Variants in GIPC3 observed in about 807,000 individuals in gnomAD.
GIPC3 encodes the protein GIPC PDZ domain containing family member 3, also known as PDZ domain-containing protein GIPC3.
Under a neutral mutation model 27.3 loss-of-function variants are expected in GIPC3, and 16 were observed. That is an observed-to-expected ratio of 0.59 (90% CI 0.40 to 0.89). The LOEUF (loss-of-function observed/expected upper bound fraction) is 0.89. Ranked by LOEUF, GIPC3 falls within the 40% of genes least tolerant of loss-of-function variation. The pLI, the probability that GIPC3 is intolerant of heterozygous loss-of-function variation, is 0.00. For missense variants in GIPC3, 440 were observed against 442.1 expected (o/e 1.00, Z 0.04); for synonymous variants, 194 against 184.6 (o/e 1.05, Z -0.41).
Position 3,585,490 on chromosome 19 carries a change from C to CAGCCTCCCCTCCCCCGGCCCA in GIPC3, c.-108_-107insAGCCTCCCCTCCCCCGGCCCA, listed in dbSNP as rs1173419693. 39 of 988,794 alleles carry CAGCCTCCCCTCCCCCGGCCCA rather than the reference C, an allele frequency of 3.9e-5. No individual in the cohort carries two copies. The Admixed American group carries it at 2.1e-3, about 54-fold the overall frequency. 61.3% of individuals were successfully genotyped at this position (988,794 alleles called of 1,614,324 possible). A position where few individuals can be genotyped will look rare whatever the true frequency, so the allele number is the denominator to read the frequency against. ...GCTCGGGTTCCCAGATCCCCTTACC[C>CAGCCTCCCCTCCCCCGGCCCA]GGGCGTCTCGGCTGTCGCGCCCTGG... is the stretch of plus-strand genomic sequence containing the variant. On this transcript the variant is annotated 5_prime_UTR_variant, in exon 1 of 6. Coordinates refer to ENST00000644452, the MANE Select transcript of GIPC3 (RefSeq NM_133261.3).
chr19:3,585,999 C>T (rs4491651), intron 1 of GIPC3, among the ~76,000 whole-genome samples, 177 bp downstream of exon 1: 13 of 152,164 alleles, frequency 8.5e-5, no homozygotes, highest in Admixed American at 8.5e-4. Context: ...CTCCCAGGGG[C>T]CCCCTTTGCA....
At chr19:3,587,700 T>TTCTTTTC (rs895265099) in intron 3 of GIPC3, among the ~76,000 whole-genome samples, 2 of 147,188 alleles carry the variant, frequency 1.4e-5, no homozygotes, top group African/African-American at 5.0e-5. Context: ...CTTTTCTTTT[T>TTCTTTTC]TTTTTTTTGA....
Position 3,590,260 on chromosome 19 carries a change from C to A in GIPC3, c.*70C>A. On this transcript the variant is annotated 3_prime_UTR_variant, in exon 6 of 6. Coordinates refer to ENST00000644452, the MANE Select transcript of GIPC3 (RefSeq NM_133261.3). ...CCCCTGCCCCGGCCCTGCTCCAGAACCCAGCCCAGATCGGAGGACAAGTTC... is the reference window on the plus strand; with the variant it reads ...CCCCTGCCCCGGCCCTGCTCCAGAAACCAGCCCAGATCGGAGGACAAGTTC... 6.5e-7 allele frequency: 1 copy of A among 1,529,570 alleles called. No homozygotes were observed. The highest frequency in any genetic ancestry group is 8.8e-7 in the Non-Finnish European group (1 of 1,136,002). The allele number at this position is 1,529,570 out of a possible 1,614,324, so 94.7% of individuals were successfully genotyped here.
At position 3,593,324 on chromosome 19, in the gene GIPC3, C is replaced by T. The variant is rs537990079; in HGVS notation, c.*3134C>T. On this transcript the variant is annotated 3_prime_UTR_variant, in exon 6 of 6. Coordinates refer to ENST00000644452, the MANE Select transcript of GIPC3 (RefSeq NM_133261.3). ...ACTTAGCCCTGGTTCATGTGGTTCTCGTCCTCTCCTGTCCCTTCCAGCCTG... is the reference window on the plus strand; with the variant it reads ...ACTTAGCCCTGGTTCATGTGGTTCTTGTCCTCTCCTGTCCCTTCCAGCCTG... 1.3e-5 allele frequency: 16 copies of T among 1,232,262 alleles called. No homozygotes were observed. Among genetic ancestry groups the T allele is most frequent in the South Asian group, 8.2e-5 (2 of 24,304 alleles). 76.3% of individuals were successfully genotyped at this position (1,232,262 alleles called of 1,614,324 possible). A position where few individuals can be genotyped will look rare whatever the true frequency, so the allele number is the denominator to read the frequency against.
intron 5 of GIPC3, 38 bp downstream of exon 5, chr19:3,589,950 G>C (rs778730345): frequency 1.9e-6 from 3 of 1,613,350 alleles, no homozygotes; most frequent in South Asian, 2.2e-5. Context: ...CCTGGGGGGA[G>C]GGAAGCCTAC....
At chr19:3,585,903 C>A in intron 1 of GIPC3, 81 bp downstream of exon 1, 1 of 1,477,874 alleles carries the variant, frequency 6.8e-7, no homozygotes, top group Admixed American at 2.2e-5. Context: ...GGACGGGAGA[C>A]CCCAGATCCC....
intron 3 of GIPC3, among the ~76,000 whole-genome samples, chr19:3,588,217 G>A (rs1193686588): frequency 6.6e-6 from 1 of 151,602 alleles, no homozygotes; most frequent in Non-Finnish European, 1.5e-5. Context: ...TTGGCAGGCT[G>A]GTCTCGAACT....
Position 3,589,820 on chromosome 19 carries a change from T to A in GIPC3, c.706-11T>A, listed in dbSNP as rs1234915755. The A allele has an allele frequency of 6.2e-7, 1 of 1,613,092 alleles. No homozygotes were observed. Among genetic ancestry groups the A allele is most frequent in the Non-Finnish European group, 8.5e-7 (1 of 1,179,708 alleles). On this transcript the variant is annotated splice_polypyrimidine_tract_variant and intron_variant, in intron 4 of 5. Coordinates refer to ENST00000644452, the MANE Select transcript of GIPC3 (RefSeq NM_133261.3). ...CTTTTCACCCCTGACTTCCCTCCCG[T>A]GTGCCCCCAGCCCAGTGAGTTTGAG...
chr19:3,586,364 G>C (rs1237449330), intron 1 of GIPC3, 131 bp from the exon 2 acceptor site: 1 of 799,488 alleles, frequency 1.3e-6, no homozygotes, highest in South Asian at 1.4e-5. Flanking sequence ...CTCTGTTCTG[G>C]GGGTCCCACG....
Position 3,590,205 on chromosome 19 carries a change from G to GA in GIPC3, c.*15_*16insA, listed in dbSNP as rs749952745. 1.9e-6 allele frequency: 3 copies of GA among 1,574,412 alleles called. No homozygotes were observed. In the South Asian group the frequency reaches 3.5e-5, roughly 18 times the overall value. On this transcript the variant is annotated 3_prime_UTR_variant, in exon 6 of 6. Coordinates refer to ENST00000644452, the MANE Select transcript of GIPC3 (RefSeq NM_133261.3). The stretch of plus-strand genomic sequence containing the variant: ...CCTGTGGCTAGTTTGCCCTGGGGGG[G>GA]CCCAGCACAGCCCCAGCCCGGAGCC...
In GIPC3 at chr19:3,592,476, C is replaced by G; in HGVS notation, c.*2286C>G. On this transcript the variant is annotated 3_prime_UTR_variant, in exon 6 of 6. Coordinates refer to ENST00000644452, the MANE Select transcript of GIPC3 (RefSeq NM_133261.3). ...CAGAACTCAGACTAGTTCTGGAAAC[C>G]AGCTCAGCTCCGGGACCCAGACCAC... 4 of 1,231,970 alleles carry G rather than the reference C, an allele frequency of 3.2e-6. No homozygotes were observed. The highest frequency in any genetic ancestry group is 4.0e-6 in the Non-Finnish European group (4 of 987,986). The allele number at this position is 1,231,970 out of a possible 1,614,324, so 76.3% of individuals were successfully genotyped here. A position where few individuals can be genotyped will look rare whatever the true frequency, so the allele number is the denominator to read the frequency against.
rs2032513269 is a variant in GIPC3 at position 3,592,929 on chromosome 19, C to T, written c.*2739C>T. 5 of 1,228,404 alleles carry T rather than the reference C, an allele frequency of 4.1e-6. No homozygotes were observed. Among genetic ancestry groups the T allele is most frequent in the Admixed American group, 4.2e-5 (1 of 23,622 alleles). 76.1% of individuals were successfully genotyped at this position (1,228,404 alleles called of 1,614,324 possible). On this transcript the variant is annotated 3_prime_UTR_variant, in exon 6 of 6. Transcript: ENST00000644452. ...CCCTGCCCCAGCCCAACCTCAGCCC[C>T]CAGGCCCATCCCCCAGAGACCCCAC...
rs557432247 is a variant in GIPC3 at position 3,590,769 on chromosome 19, C to A, written c.*579C>A. 8.1e-7 allele frequency: 1 copy of A among 1,235,030 alleles called. No individual in the cohort carries two copies. The highest frequency in any genetic ancestry group is 3.2e-5 in the East Asian group (1 of 31,652). The allele number at this position is 1,235,030 out of a possible 1,614,324, so 76.5% of individuals were successfully genotyped here. On this transcript the variant is annotated 3_prime_UTR_variant, in exon 6 of 6. Coordinates refer to ENST00000644452, the MANE Select transcript of GIPC3 (RefSeq NM_133261.3). The stretch of plus-strand genomic sequence containing the variant: ...AACTCAGATGGGCTCTGAGACCGAG[C>A]CCAGCTCTAGAACTCAGATGGGCTC...
Position 3,586,548 on chromosome 19 carries a change from G to T in GIPC3, c.279G>T (p.Gly93=), listed in dbSNP as rs755720741. Reference sequence around the variant, plus strand: ...AAGTGGACATGCAGAAGCTCCTGGGGGGTCAGATAGGCCTGGAGGACTTCA... The same window carrying T: ...AAGTGGACATGCAGAAGCTCCTGGGTGGTCAGATAGGCCTGGAGGACTTCA... ...SHKVDMQKLL[G]GQIGLEDFIF... is the part of the protein sequence containing the mutation. Residue 93 remains glycine (G), a synonymous_variant, in exon 2 of 6, where the codon GGG becomes GGT. Coordinates refer to ENST00000644452, the MANE Select transcript of GIPC3 (RefSeq NM_133261.3). 4 of 1,613,906 alleles carry T rather than the reference G, an allele frequency of 2.5e-6. No homozygotes were observed. The highest frequency in any genetic ancestry group is 2.5e-6 in the Non-Finnish European group (3 of 1,179,994).
rs2032515623 is a variant in GIPC3, at chr19:3,592,991, G to A, written c.*2801G>A. On this transcript the variant is annotated 3_prime_UTR_variant, in exon 6 of 6. Transcript: ENST00000644452. ...GCAAAGACCCCCAGCCTCTGCCTCA[G>A]CCCCATGATCAGGTATGTGGCATCC... The A allele has an allele frequency of 4.0e-6, 4 of 1,004,646 alleles. No homozygotes were observed. The highest frequency in any genetic ancestry group is 4.6e-6 in the Non-Finnish European group (4 of 863,096). The allele number at this position is 1,004,646 out of a possible 1,614,324, so 62.2% of individuals were successfully genotyped here.
intron 3 of GIPC3, among the ~76,000 whole-genome samples, chr19:3,587,780 TCC>T (rs2145271397): frequency 6.8e-6 from 1 of 147,922 alleles, no homozygotes; most frequent in South Asian, 2.2e-4. Flanking sequence ...AAGCTCCGCC[TCC>T]CGGGTTCACA....
At chr19:3,589,322 T>C in intron 3 of GIPC3, 121 bp from the exon 4 acceptor site, 1 of 754,088 alleles carries the variant, frequency 1.3e-6, no homozygotes, top group Admixed American at 1.9e-5. Context: ...GCCGTACAGA[T>C]GTAAGGAGGA....
chr19:3,592,458 C>A lies in GIPC3; in HGVS notation c.*2268C>A. The A allele has an allele frequency of 1.9e-5, 23 of 1,231,942 alleles. No individual in the cohort carries two copies. The highest frequency in any genetic ancestry group is 2.3e-5 in the Non-Finnish European group (23 of 987,938). 76.3% of individuals were successfully genotyped at this position (1,231,942 alleles called of 1,614,324 possible). A position where few individuals can be genotyped will look rare whatever the true frequency, so the allele number is the denominator to read the frequency against. On this transcript the variant is annotated 3_prime_UTR_variant, in exon 6 of 6. Transcript: ENST00000644452. ...CGGAGCCCAACCCAGCTCCAGAACTCAGACTAGTTCTGGAAACCAGCTCAG... is the reference window on the plus strand; with the variant it reads ...CGGAGCCCAACCCAGCTCCAGAACTAAGACTAGTTCTGGAAACCAGCTCAG...
Position 3,589,438 on chromosome 19 carries a change from T to G in GIPC3, c.593-5T>G, listed in dbSNP as rs776231446. The G allele has an allele frequency of 3.7e-6, 6 of 1,609,724 alleles. No homozygotes were observed. The African/African-American group carries it at 8.0e-5, about 22-fold the overall frequency. ...CATGGCCATCCCTCACTCTGTTCCC[T>G]CCAGATATGATTGGCCAGAGAAGTC... On this transcript the variant is annotated splice_region_variant and splice_polypyrimidine_tract_variant and intron_variant, in intron 3 of 5. Transcript: ENST00000644452.
Sources: gnomAD v4.1 joint callset for allele counts (sites outside exome capture counted in the v4.1 genomes callset) on GRCh38, gnomAD v4.1.1 for gene constraint, MANE v1.5 for transcripts, NCBI Gene and HGNC (gene_info 2026-07-23, HGNC 2026-07-21) for gene names.